The following PRKN variants were observed in gnomAD, a reference collection of about 807,000 sequenced individuals.
PRKN encodes parkin RBR E3 ubiquitin protein ligase.
PRKN carries 56 observed loss-of-function variants against 59.5 expected under a neutral mutation model. That is an observed-to-expected ratio of 0.94 (90% confidence interval 0.76 to 1.18). The LOEUF is 1.18. PRKN is among the 50% of genes most tolerant of loss of function. The pLI, the probability that PRKN is intolerant of heterozygous loss-of-function variation, is 0.00. For missense variants in PRKN, 657 were observed against 596.4 expected (o/e 1.10, Z -1.06); for synonymous variants, 250 against 222.1 (o/e 1.13, Z -1.12).
chr6:162,339,522 T>G (rs2128127625), intron 2 of PRKN, among the ~76,000 whole-genome samples: 2 of 125,132 alleles, frequency 1.6e-5, no homozygotes, highest in African/African-American at 2.9e-5. Flanking sequence ...GGTGGGGGGG[T>G]CAGCCCCCCG....
chr6:162,637,809 T>C (rs1034993866), intron 1 of PRKN, among the ~76,000 whole-genome samples: 1 of 152,230 alleles, frequency 6.6e-6, no homozygotes, highest in Non-Finnish European at 1.5e-5. Flanking sequence ...AAGTCACTAT[T>C]TCAAATTACT....
At chr6:161,885,639 T>A (rs1795116383) in intron 6 of PRKN, among the ~76,000 whole-genome samples, 1 of 137,476 alleles carries the variant, frequency 7.3e-6, no homozygotes, top group African/African-American at 2.8e-5. Context: ...CACTCCAGCC[T>A]GGGTGACAGA....
Position 161,651,048 on chromosome 6 carries a change from T to C in PRKN, c.872-81632A>G, listed in dbSNP as rs561665996. On this transcript the variant is annotated intron_variant, in intron 7 of 11. Transcript: ENST00000366898. ...AATTTTCATATGTATCATTGCTTTA[T>C]CTAATAGATCACATTTAGGACAAGC... is the stretch of plus-strand genomic sequence containing the variant. Among the ~76,000 whole-genome samples the C allele has an allele frequency of 2.0e-5, 3 of 152,364 alleles. No individual in the cohort carries two copies. The South Asian group carries it at 6.2e-4, about 32-fold the overall frequency.
intron 3 of PRKN, among the ~76,000 whole-genome samples, chr6:162,236,824 CAGAG>C (rs955971705): frequency 5.3e-5 from 7 of 131,746 alleles, no homozygotes; most frequent in East Asian, 2.2e-4. Context: ...GAGAGAGGGA[CAGAG>C]AGAGAGAGAA....
intron 6 of PRKN, among the ~76,000 whole-genome samples, chr6:161,831,580 G>A (rs1484408688): frequency 6.6e-6 from 1 of 152,160 alleles, no homozygotes; most frequent in African/African-American, 2.4e-5. Context: ...AGTGAACTTG[G>A]CGAGGGAGCA....
At chr6:162,088,075 C>T (rs552654723) in intron 4 of PRKN, among the ~76,000 whole-genome samples, 31 of 152,242 alleles carry the variant, frequency 2.0e-4, no homozygotes, top group African/African-American at 7.5e-4. Flanking sequence ...CAATTTCTAA[C>T]CCTGTCCCAC....
intron 1 of PRKN, among the ~76,000 whole-genome samples, chr6:162,548,188 T>G (rs1779193679): frequency 6.6e-6 from 1 of 152,042 alleles, no homozygotes. Flanking sequence ...GCCTCCTGAG[T>G]AGCTAGGACT....
chr6:161,915,261 G>A (rs1380410165), intron 6 of PRKN, among the ~76,000 whole-genome samples: 1 of 151,974 alleles, frequency 6.6e-6, no homozygotes, highest in African/African-American at 2.4e-5. Context: ...CTCCAGCCTG[G>A]GTGACAGAGT....
intron 6 of PRKN, among the ~76,000 whole-genome samples, chr6:161,900,603 T>A (rs1304825647): frequency 2.4e-5 from 3 of 126,090 alleles, no homozygotes; most frequent in Non-Finnish European, 4.7e-5. Flanking sequence ...ATATTATATA[T>A]TAATATACTG....
chr6:162,659,005 A>C (rs931987635), intron 1 of PRKN, among the ~76,000 whole-genome samples: 1 of 152,204 alleles, frequency 6.6e-6, no homozygotes, highest in African/African-American at 2.4e-5. Context: ...CAAGCTGTAA[A>C]ACACTGAAAA....
chr6:162,393,152 A>ATTTTTTTTTTTTTTTTTTTT (rs1369959830), intron 2 of PRKN, among the ~76,000 whole-genome samples: 2 of 78,104 alleles, frequency 2.6e-5, no homozygotes, highest in East Asian at 7.8e-4. Flanking sequence ...AGGATAGGAG[A>ATTTTTTTTTTTTTTTTTTTT]TTCTTTTTTT....
intron 2 of PRKN, among the ~76,000 whole-genome samples, chr6:162,403,435 C>G (rs2128150785): frequency 6.6e-6 from 1 of 152,228 alleles, no homozygotes; most frequent in South Asian, 2.1e-4. Flanking sequence ...GCTTCCTATC[C>G]CCAGCGAGTT....
intron 1 of PRKN, among the ~76,000 whole-genome samples, chr6:162,531,105 G>A (rs1562361035): frequency 1.4e-5 from 2 of 148,138 alleles, no homozygotes; most frequent in South Asian, 2.2e-4. Flanking sequence ...GGTGGTTCAC[G>A]CCTGTAATCC....
At chr6:161,675,218 T>C (rs2128170317) in intron 7 of PRKN, among the ~76,000 whole-genome samples, 1 of 152,226 alleles carries the variant, frequency 6.6e-6, no homozygotes, top group South Asian at 2.1e-4. Flanking sequence ...AACTCCCCAG[T>C]ATTTGGAAAG....
At position 161,853,694 on chromosome 6, in the gene PRKN, C is replaced by A. The variant is rs188275032; in HGVS notation, c.735-67786G>T. On this transcript the variant is annotated intron_variant, in intron 6 of 11. Transcript: ENST00000366898. Reference sequence around the variant, plus strand: ...GGAAATTAAAGTCCTCGTTGCTTTACAAACATCATTTCATTATGCAGGAGA... The same window carrying A: ...GGAAATTAAAGTCCTCGTTGCTTTAAAAACATCATTTCATTATGCAGGAGA... Among the ~76,000 whole-genome samples the A allele has an allele frequency of 1.1e-4, 16 of 152,250 alleles. No individual in the cohort carries two copies. In the East Asian group the frequency reaches 3.1e-3, roughly 29 times the overall value.
chr6:162,503,055 T>G (rs1793441466), intron 1 of PRKN, among the ~76,000 whole-genome samples: 1 of 151,864 alleles, frequency 6.6e-6, no homozygotes, highest in African/African-American at 2.4e-5. Context: ...AAGCATCAAA[T>G]TTATGTATTA....
At chr6:162,725,468 TGGCTAATGAGGCTGGGCGTGGTGG>T in intron 1 of PRKN, among the ~76,000 whole-genome samples, 5 of 152,162 alleles carry the variant, frequency 3.3e-5, no homozygotes. Context: ...TACTGAAATG[TGGCTAATGAGGCTGGGCGTGGTGG>T]TTCATGCCTG....
chr6:162,353,673 A>G (rs149921695), intron 2 of PRKN, among the ~76,000 whole-genome samples: 1 of 152,226 alleles, frequency 6.6e-6, no homozygotes, highest in African/African-American at 2.4e-5. Context: ...AATTTTTGGA[A>G]AGTGGCATGA....
chr6:162,503,514 T>C (rs892756634), intron 1 of PRKN, among the ~76,000 whole-genome samples: 5 of 152,104 alleles, frequency 3.3e-5, no homozygotes, highest in African/African-American at 7.2e-5. Context: ...CTTGACTACA[T>C]AGAAACCTTG....
Sources: allele counts gnomAD v4.1 joint callset (sites outside exome capture counted in the v4.1 genomes callset), GRCh38; gene constraint gnomAD v4.1.1; transcripts MANE v1.5; gene names NCBI Gene and HGNC (gene_info 2026-07-23, HGNC 2026-07-21).